Variants in ITGB1 observed in about 807,000 individuals in gnomAD.
The protein encoded by ITGB1 is integrin beta-1.
A neutral mutation model predicts 86.5 loss-of-function variants in ITGB1; 24 were observed. That is an observed-to-expected ratio of 0.28 (90% CI 0.20 to 0.39). The LOEUF (loss-of-function observed/expected upper bound fraction) is 0.39, where lower values mean the gene tolerates loss of function less well. ITGB1 is among the 10% of genes least tolerant of loss of function. ITGB1 has a pLI of 1.00. For missense variants in ITGB1, 556 were observed against 946.9 expected (o/e 0.59, Z 5.42); for synonymous variants, 323 against 316.8 (o/e 1.02, Z -0.21).
chr10:32,902,895 T>C (rs965289567), intron 15 of ITGB1, among the ~76,000 whole-genome samples: 3 of 152,194 alleles, frequency 2.0e-5, no homozygotes, highest in Non-Finnish European at 2.9e-5. Context: ...AATCTGGGAA[T>C]AGTATAAGAA....
Position 32,928,258 on chromosome 10 carries a change from G to T in ITGB1, c.383C>A (p.Pro128Gln). The T allele has an allele frequency of 1.2e-6, 1 of 867,046 alleles. No individual in the cohort carries two copies. Among genetic ancestry groups the T allele is most frequent in the Non-Finnish European group, 2.0e-6 (1 of 508,080 alleles). 53.7% of individuals were successfully genotyped at this position (867,046 alleles called of 1,614,324 possible). Residue 128 changes from proline to glutamine, a missense_variant, in exon 5 of 16, where the codon CCA becomes CAA. Physicochemically the swap from Pro to Gln is moderately conservative, Grantham distance 76. Around this residue, in one of 4 missense-constraint regions of ITGB1, gnomAD observed 183 missense variants for 263.9 expected, o/e 0.69. Coordinates refer to ENST00000302278, the MANE Select transcript of ITGB1 (RefSeq NM_002211.4). ...CTTGAATTTTAATGTAAATGTCTGTGGCTCCCCTAATTAGACAAGAGATTA... is the reference window on the plus strand; with the variant it reads ...CTTGAATTTTAATGTAAATGTCTGTTGCTCCCCTAATTAGACAAGAGATTA... The part of the protein sequence containing the change: ...QLVLRLRSGE[P>Q]QTFTLKFKRA...
At chr10:32,932,851 G>C in intron 2 of ITGB1, 2 of 303,254 alleles carry the variant, frequency 6.6e-6, no homozygotes, top group Non-Finnish European at 1.2e-5. Context: ...ATGCATAACA[G>C]TCATATAATG....
intron 1 of ITGB1, among the ~76,000 whole-genome samples, chr10:32,950,978 A>G (rs2095041495): frequency 6.6e-6 from 1 of 152,204 alleles, no homozygotes. Flanking sequence ...TACAAGTGCA[A>G]GGGAAAGATA....
At chr10:32,910,481 T>C (rs746641897) in intron 13 of ITGB1, 26 bp from the exon 14 acceptor site, 1 of 1,429,310 alleles carries the variant, frequency 7.0e-7, no homozygotes, top group South Asian at 1.2e-5. Context: ...CAAATTATGA[T>C]ATTTACATTT....
At chr10:32,948,700 T>C (rs1252824971) in intron 1 of ITGB1, among the ~76,000 whole-genome samples, 1 of 152,160 alleles carries the variant, frequency 6.6e-6, no homozygotes, top group African/African-American at 2.4e-5. Flanking sequence ...TCTCACTCTC[T>C]TGCCCTTCCA....
At chr10:32,953,168 CACA>C in intron 1 of ITGB1, among the ~76,000 whole-genome samples, 1 of 152,342 alleles carries the variant, frequency 6.6e-6, no homozygotes, top group African/African-American at 2.4e-5. Flanking sequence ...TCATCTCCTA[CACA>C]ACGTGTTCCA....
At position 32,919,933 on chromosome 10, in the gene ITGB1, CT is replaced by C; in HGVS notation, c.1420del (p.Ser474ValfsTer93). ...CCCATTTCCTTCATGACACTTGGGA[CT>C]TTCAGGGATGCCTTCGCTTTGGCAT... is the stretch of plus-strand genomic sequence containing the variant. ...CECQSEGIPE[S>X]PKCHEGNGTF... On this transcript the variant is annotated frameshift_variant, in exon 11 of 16. Coordinates refer to ENST00000302278, the MANE Select transcript of ITGB1 (RefSeq NM_002211.4). LOFTEE classifies it high-confidence loss of function. The C allele has an allele frequency of 6.2e-7, 1 of 1,614,122 alleles. No homozygotes were observed. Among genetic ancestry groups the C allele is most frequent in the Non-Finnish European group, 8.5e-7 (1 of 1,180,004 alleles).
chr10:32,953,827 CAAAG>C (rs2095047218), intron 1 of ITGB1: 1 of 152,254 alleles, frequency 6.6e-6, no homozygotes, highest in Admixed American at 6.5e-5. Context: ...TAAATTACCA[CAAAG>C]AAATGTGACC....
At chr10:32,907,074 G>T in intron 15 of ITGB1, 1 of 1,356,406 alleles carries the variant, frequency 7.4e-7, no homozygotes, top group South Asian at 1.2e-5. Context: ...GCAATTTAGA[G>T]ACCAGCTTTA....
At chr10:32,930,532 T>G (rs2040010) in intron 3 of ITGB1, among the ~76,000 whole-genome samples, 71,823 of 152,036 alleles carry the variant, frequency 0.47, 19,455 homozygotes, top group Non-Finnish European at 0.61. Flanking sequence ...AATTAATTAT[T>G]GCATTTTTTA....
At chr10:32,957,130 CCTCA>C (rs1444061738) in intron 1 of ITGB1, among the ~76,000 whole-genome samples, 20 of 152,006 alleles carry the variant, frequency 1.3e-4, no homozygotes, top group African/African-American at 4.8e-4. Context: ...TAAACTTGGC[CCTCA>C]CTGTCATTAT....
At chr10:32,957,602 C>G (rs548342267) in intron 1 of ITGB1, among the ~76,000 whole-genome samples, 35 of 152,076 alleles carry the variant, frequency 2.3e-4, no homozygotes, top group African/African-American at 8.4e-4. Context: ...TCCTGGCAGC[C>G]GGAGGAGACC....
In ITGB1 at chr10:32,910,305, C is replaced by A; in HGVS notation, c.2082G>T (p.Lys694Asn). ...AATAGAACCAACAGTCGTCAACATCCTTCTCCTTACAATGGGACACAGGAT... is the reference window on the plus strand; with the variant it reads ...AATAGAACCAACAGTCGTCAACATCATTCTCCTTACAATGGGACACAGGAT... ...QPDPVSHCKE[K>N]DVDDCWFYFT... is the part of the protein sequence containing the mutation. Residue 694 changes from lysine (K) to asparagine (N), a missense_variant, in exon 14 of 16, where the codon AAG becomes AAT. Transcript: ENST00000302278. 6.2e-7 allele frequency: 1 copy of A among 1,605,854 alleles called. No homozygotes were observed. Among genetic ancestry groups the A allele is most frequent in the Non-Finnish European group, 8.5e-7 (1 of 1,173,420 alleles).
At chr10:32,922,790 T>C in intron 7 of ITGB1, 55 bp from the exon 8 acceptor site, 1 of 1,001,696 alleles carries the variant, frequency 1.0e-6, no homozygotes, top group South Asian at 1.6e-5. Context: ...TAATCTCTTC[T>C]AATTTTTCAA....
At chr10:32,950,269 AGGTT>A (rs1408590207) in intron 1 of ITGB1, among the ~76,000 whole-genome samples, 1 of 152,202 alleles carries the variant, frequency 6.6e-6, no homozygotes, top group African/African-American at 2.4e-5. Context: ...GAAAGACATG[AGGTT>A]CCTCCCACTT....
intron 15 of ITGB1, chr10:32,907,231 T>A (rs1056110304): frequency 1.2e-5 from 5 of 411,728 alleles, no homozygotes; most frequent in African/African-American, 6.6e-5. Flanking sequence ...TCTTTTTTTT[T>A]ATTTCTACCC....
chr10:32,936,610 C>T (rs1170831465), intron 1 of ITGB1, among the ~76,000 whole-genome samples: 1 of 151,732 alleles, frequency 6.6e-6, no homozygotes, highest in Non-Finnish European at 1.5e-5. Context: ...AGGTAATATT[C>T]TATATACTAA....
chr10:32,954,619 A>T (rs117841208), intron 1 of ITGB1, among the ~76,000 whole-genome samples: 1 of 152,220 alleles, frequency 6.6e-6, no homozygotes, highest in Non-Finnish European at 1.5e-5. Flanking sequence ...AGTAGACCTA[A>T]AATTTTCTCC....
At chr10:32,953,537 T>C (rs557463336) in intron 1 of ITGB1, 4 of 128,608 alleles carry the variant, frequency 3.1e-5, no homozygotes, top group African/African-American at 1.0e-4. Context: ...CTACACTCTC[T>C]GGTGATACAA....
Sources: gnomAD v4.1 joint callset for allele counts (sites outside exome capture counted in the v4.1 genomes callset) on GRCh38, gnomAD v4.1.1 for gene constraint, gnomAD v4.1.1 regional missense constraint, MANE v1.5 for transcripts, NCBI Gene and HGNC (gene_info 2026-07-23, HGNC 2026-07-21) for gene names.